ME1: variants seen among roughly 807,000 people sequenced by gnomAD.
The protein encoded by ME1 is NADP-dependent malic enzyme.
A neutral mutation model predicts 66.4 loss-of-function variants in ME1; 74 were observed. The ratio of observed to expected loss-of-function variants is 1.11; its 90% CI spans 0.92 to 1.35. The LOEUF is 1.35. ME1 is among the 40% of genes most tolerant of loss of function. The pLI is 0.00. For synonymous variants in ME1, 251 were observed against 235.6 expected (o/e 1.07, Z -0.60); for missense variants, 750 against 694.1 (o/e 1.08, Z -0.90).
chr6:83,247,907 A>C lies in ME1; in HGVS notation c.814+5722T>G, dbSNP rs190375814. ...TTTAAAATTCCTATATGGAAATAAAAGACTATATATGTGCAGATTATATTT... is the reference window on the plus strand; with the variant it reads ...TTTAAAATTCCTATATGGAAATAAACGACTATATATGTGCAGATTATATTT... On this transcript the variant is annotated intron_variant, in intron 7 of 13. Coordinates refer to ENST00000369705, the MANE Select transcript of ME1 (RefSeq NM_002395.6). Among the ~76,000 whole-genome samples, 828 of 152,348 alleles carry C rather than the reference A, an allele frequency of 5.4e-3. 6 individuals are homozygous for C. Among genetic ancestry groups the C allele is most frequent in the African/African-American group, 0.019 (778 of 41,588 alleles).
Position 83,346,337 on chromosome 6 carries a change from G to C in ME1, c.439-3C>G, listed in dbSNP as rs1768686536. 2 of 1,562,004 alleles carry C rather than the reference G, an allele frequency of 1.3e-6. No homozygotes were observed. Among genetic ancestry groups the C allele is most frequent in the Middle Eastern group, 1.7e-4 (1 of 5,814 alleles). On this transcript the variant is annotated splice_polypyrimidine_tract_variant and splice_region_variant and intron_variant, in intron 4 of 13. Transcript: ENST00000369705. ...TCTCCATCAGTCACCACAATGGCCT[G>C]GAAGAAAAAGAAAAATTACCTATTA... is the stretch of plus-strand genomic sequence containing the variant.
At chr6:83,383,403 A>AG (rs1769445331) in intron 3 of ME1, among the ~76,000 whole-genome samples, 1 of 151,968 alleles carries the variant, frequency 6.6e-6, no homozygotes, top group Non-Finnish European at 1.5e-5. Context: ...CAAAATGTAC[A>AG]GAAAATAATT....
intron 6 of ME1, among the ~76,000 whole-genome samples, chr6:83,259,625 A>C (rs1255871349): frequency 6.6e-6 from 1 of 152,178 alleles, no homozygotes. Flanking sequence ...AAGTAATCCG[A>C]AGTTGACACA....
intron 5 of ME1, among the ~76,000 whole-genome samples, chr6:83,331,511 G>A (rs369058133): frequency 6.8e-4 from 103 of 151,662 alleles, no homozygotes; most frequent in African/African-American, 2.4e-3. Flanking sequence ...GCTTGAACCC[G>A]GGAGGCGGAG....
At chr6:83,255,107 C>T (rs1339128579) in intron 6 of ME1, among the ~76,000 whole-genome samples, 1 of 151,906 alleles carries the variant, frequency 6.6e-6, no homozygotes, top group Non-Finnish European at 1.5e-5. Context: ...CTTGGGTAGA[C>T]TATCTTTTTA....
chr6:83,334,042 C>A lies in ME1; in HGVS notation c.600+12131G>T, dbSNP rs1384076642. Reference sequence around the variant, plus strand: ...CAGAAGACGGGTGATTTCTGCATTTCCATCTGAGGTACCGGGTTCTTCTCA... The same window carrying A: ...CAGAAGACGGGTGATTTCTGCATTTACATCTGAGGTACCGGGTTCTTCTCA... On this transcript the variant is annotated intron_variant, in intron 5 of 13. Coordinates refer to ENST00000369705, the MANE Select transcript of ME1 (RefSeq NM_002395.6). Among the ~76,000 whole-genome samples, 6 of 152,032 alleles carry A rather than the reference C, an allele frequency of 3.9e-5. No homozygotes were observed. The East Asian group carries it at 9.6e-4, about 24-fold the overall frequency.
intron 3 of ME1, among the ~76,000 whole-genome samples, chr6:83,368,870 G>C (rs1769145879): frequency 6.6e-6 from 1 of 152,042 alleles, no homozygotes; most frequent in Non-Finnish European, 1.5e-5. Flanking sequence ...TATTCTCTGG[G>C]TCTATGATAT....
At chr6:83,429,699 C>A (rs1460664275) in intron 1 of ME1, among the ~76,000 whole-genome samples, 8 of 135,942 alleles carry the variant, frequency 5.9e-5, no homozygotes, top group Admixed American at 8.4e-5. Context: ...ACCACACACA[C>A]AAAAAAAATC....
intron 7 of ME1, among the ~76,000 whole-genome samples, chr6:83,240,985 C>G (rs887263129): frequency 1.3e-5 from 2 of 151,930 alleles, no homozygotes; most frequent in African/African-American, 2.4e-5. Context: ...ATGAACTGTG[C>G]TAAGTCATAT....
chr6:83,286,065 A>G (rs746519485), intron 6 of ME1, among the ~76,000 whole-genome samples: 1 of 152,180 alleles, frequency 6.6e-6, no homozygotes. Context: ...TGCACTTGAC[A>G]TATCTGAATA....
At chr6:83,394,883 G>A (rs1227483403) in intron 3 of ME1, among the ~76,000 whole-genome samples, 1 of 152,074 alleles carries the variant, frequency 6.6e-6, no homozygotes, top group Non-Finnish European at 1.5e-5. Context: ...TATATTTTAT[G>A]CATCTCAAAG....
chr6:83,274,249 G>A (rs1767135555), intron 6 of ME1, among the ~76,000 whole-genome samples: 1 of 152,096 alleles, frequency 6.6e-6, no homozygotes, highest in South Asian at 2.1e-4. Flanking sequence ...TGTATCTTGG[G>A]TCATGATAAT....
At chr6:83,383,417 T>C (rs895715597) in intron 3 of ME1, among the ~76,000 whole-genome samples, 1 of 151,944 alleles carries the variant, frequency 6.6e-6, no homozygotes, top group Non-Finnish European at 1.5e-5. Flanking sequence ...AATAATTTTA[T>C]ATAACCTCTT....
At chr6:83,329,456 C>T (rs150858897) in intron 5 of ME1, among the ~76,000 whole-genome samples, 155 of 152,268 alleles carry the variant, frequency 1.0e-3, no homozygotes, top group African/African-American at 3.6e-3. Flanking sequence ...TTAACAGCAC[C>T]TCATCACACC....
intron 4 of ME1, among the ~76,000 whole-genome samples, chr6:83,348,984 C>CAAA (rs71545855): frequency 3.4e-4 from 16 of 47,180 alleles, no homozygotes; most frequent in East Asian, 1.9e-3. Flanking sequence ...AACTCTGTCT[C>CAAA]AAAAAAAAAA....
intron 3 of ME1, among the ~76,000 whole-genome samples, chr6:83,381,853 T>C (rs1583409733): frequency 6.6e-6 from 1 of 152,196 alleles, no homozygotes. Context: ...TTTAGTTAGA[T>C]GCTGTCTACT....
intron 6 of ME1, among the ~76,000 whole-genome samples, chr6:83,297,117 T>C (rs1767611576): frequency 6.6e-6 from 1 of 152,142 alleles, no homozygotes; most frequent in Admixed American, 6.5e-5. Context: ...TTCTCCTTGC[T>C]ACCCAAGGGA....
intron 2 of ME1, among the ~76,000 whole-genome samples, chr6:83,407,322 A>G (rs775336323): frequency 6.6e-6 from 1 of 152,216 alleles, no homozygotes; most frequent in Non-Finnish European, 1.5e-5. Context: ...AAAGGTAGGG[A>G]AAAATATTAT....
At chr6:83,353,080 T>G (rs549606282) in intron 3 of ME1, among the ~76,000 whole-genome samples, 1 of 152,334 alleles carries the variant, frequency 6.6e-6, no homozygotes, top group South Asian at 2.1e-4. Context: ...TTGTTTAATT[T>G]GTCTGGTAGA....
Sources: gnomAD v4.1 joint callset for allele counts (sites outside exome capture counted in the v4.1 genomes callset) on GRCh38, gnomAD v4.1.1 for gene constraint, MANE v1.5 for transcripts, NCBI Gene and HGNC (gene_info 2026-07-23, HGNC 2026-07-21) for gene names.